Variants in DCP1B observed in about 807,000 individuals in gnomAD.
DCP1B encodes the protein decapping mRNA 1B, also known as mRNA-decapping enzyme 1B.
A neutral mutation model predicts 60.5 loss-of-function variants in DCP1B; 47 were observed. The observed-to-expected ratio is 0.78, with a 90% CI of 0.61 to 0.99. The LOEUF (loss-of-function observed/expected upper bound fraction) is 0.99, where lower values mean the gene tolerates loss of function less well. Ranked by LOEUF, DCP1B falls within the 50% of genes least tolerant of loss-of-function variation. The pLI is 0.00. For missense variants in DCP1B, 725 were observed against 756.8 expected, an observed-to-expected ratio of 0.96 and a Z score of 0.49; for synonymous variants, 267 against 280.3, an observed-to-expected ratio of 0.95 and a Z score of 0.47.
intron 2 of DCP1B, among the ~76,000 whole-genome samples, chr12:1,996,632 A>C (rs1039632782): frequency 1.6e-4 from 17 of 108,924 alleles, no homozygotes; most frequent in East Asian, 4.4e-4. Flanking sequence ...AAAAAAAAAA[A>C]AAAAAAAAAA....
intron 3 of DCP1B, chr12:1,993,011 T>C (rs1056739900): frequency 3.1e-6 from 2 of 643,450 alleles, no homozygotes; most frequent in Non-Finnish European, 2.7e-6. Flanking sequence ...GGGTTCACAC[T>C]ACAAATCCAT....
At chr12:1,974,931 GT>G (rs2033837914) in intron 3 of DCP1B, among the ~76,000 whole-genome samples, 1 of 152,090 alleles carries the variant, frequency 6.6e-6, no homozygotes, top group South Asian at 2.1e-4. Context: ...TCAAAAATTT[GT>G]TCCAATGAAG....
chr12:1,953,065 G>A lies in DCP1B; in HGVS notation c.875C>T (p.Pro292Leu). 3 of 1,614,108 alleles carry A rather than the reference G, an allele frequency of 1.9e-6. No individual in the cohort carries two copies. The South Asian group carries it at 3.3e-5, about 18-fold the overall frequency. ...CCTGACCATGAGTTTCTGAATGGCTGGACAGAGCTGCTTCTCAATGGGGGG... is the reference window on the plus strand; with the variant it reads ...CCTGACCATGAGTTTCTGAATGGCTAGACAGAGCTGCTTCTCAATGGGGGG... ...HSPPIEKQLCPAIQKLMVRSA... is the reference protein window; with the variant it reads ...HSPPIEKQLCLAIQKLMVRSA... The change falls in exon 7 of 9, where the codon CCA becomes CTA. Residue 292 changes from proline (P) to leucine (L), a missense_variant. Physicochemically the swap from Pro to Leu is moderately conservative, Grantham distance 98. Coordinates refer to ENST00000280665, the MANE Select transcript of DCP1B (RefSeq NM_152640.5).
Position 2,004,363 on chromosome 12 carries a change from G to A in DCP1B, c.69C>T (p.Arg23=), listed in dbSNP as rs770450095. Residue 23 remains arginine (R), a synonymous_variant, in exon 1 of 9, where the codon CGC becomes CGT. Transcript: ENST00000280665. The part of the protein sequence containing the change: ...GRDISLAALQ[R]HDPYINRIVD... ...CGATGCGGTTGATATAGGGGTCGTG[G>A]CGCTGCAGGGCCGCTAGGCTGATGT... The A allele has an allele frequency of 1.9e-6, 3 of 1,613,168 alleles. No homozygotes were observed. The highest frequency in any genetic ancestry group is 2.5e-6 in the Non-Finnish European group (3 of 1,179,922).
intron 1 of DCP1B, among the ~76,000 whole-genome samples, chr12:2,003,473 T>C (rs2042652386): frequency 6.6e-6 from 1 of 152,254 alleles, no homozygotes. Context: ...GAAACAAAAT[T>C]ACATGTCTCT....
At chr12:1,982,542 T>TATC (rs35129667) in intron 3 of DCP1B, among the ~76,000 whole-genome samples, 115,054 of 151,826 alleles carry the variant, frequency 0.76, 43,931 homozygotes, top group African/African-American at 0.87. Context: ...GTACTATATA[T>TATC]ATAATTTTAT....
At chr12:1,992,869 G>T in intron 3 of DCP1B, 1 of 445,142 alleles carries the variant, frequency 2.2e-6, no homozygotes, top group Non-Finnish European at 4.0e-6. Context: ...GGCCAAAAGT[G>T]ATACATAAAG....
At chr12:1,984,832 T>C (rs2037220169) in intron 3 of DCP1B, among the ~76,000 whole-genome samples, 1 of 148,706 alleles carries the variant, frequency 6.7e-6, no homozygotes, top group African/African-American at 2.5e-5. Flanking sequence ...TATCAGAGTA[T>C]ATGTCTTTAT....
In DCP1B at chr12:1,952,623, A is replaced by T; in HGVS notation, c.1317T>A (p.Ser439Arg). 1.2e-6 allele frequency: 2 copies of T among 1,614,112 alleles called. No homozygotes were observed. The highest frequency in any genetic ancestry group is 1.6e-4 in the Middle Eastern group (1 of 6,062). ...LPRQTLPISG[S>R]QTGSSGVISP... is the part of the protein sequence containing the mutation. ...AGATCACTCCAGAGCTGCCAGTCTG[A>T]CTACCAGAGATGGGGAGTGTTTGTC... Residue 439 changes from serine (S) to arginine (R), a missense_variant, in exon 7 of 9, where the codon AGT (serine) becomes AGA (arginine). Transcript: ENST00000280665.
chr12:2,000,229 T>C (rs952033660), intron 1 of DCP1B, among the ~76,000 whole-genome samples: 3 of 152,238 alleles, frequency 2.0e-5, no homozygotes, highest in Non-Finnish European at 4.4e-5. Context: ...ATCCATTACA[T>C]TGTTAGGAAA....
chr12:1,964,415 T>C lies in DCP1B; in HGVS notation c.522+1143A>G, dbSNP rs143498178. On this transcript the variant is annotated intron_variant, in intron 5 of 8. Coordinates refer to ENST00000280665, the MANE Select transcript of DCP1B (RefSeq NM_152640.5). ...TATCTTTCTATTTGCTTGTGTTGTA[T>C]TTAAACCTTGTAAAATGTTTTTTAT... 9.2e-3 allele frequency among the ~76,000 whole-genome samples: 1,406 copies of C among 152,302 alleles called. 19 individuals carry two copies. The highest frequency in any genetic ancestry group is 0.027 in the African/African-American group (1,123 of 41,578).
In DCP1B at chr12:1,996,729, C is replaced by T. The variant is rs11062052; in HGVS notation, c.191+1206G>A. 9.1e-3 allele frequency among the ~76,000 whole-genome samples: 1,342 copies of T among 147,278 alleles called. 17 individuals carry two copies. The highest frequency in any genetic ancestry group is 0.028 in the African/African-American group (1,138 of 40,138). ...CTACATTCAAAGCCATCTTGGGCCA[C>T]GTGTCCTATGGGCCGTGGGTTGGAC... On this transcript the variant is annotated intron_variant, in intron 2 of 8. Transcript: ENST00000280665.
intron 3 of DCP1B, among the ~76,000 whole-genome samples, chr12:1,975,386 A>T (rs2034008066): frequency 6.6e-6 from 1 of 152,132 alleles, no homozygotes; most frequent in Admixed American, 6.5e-5. Flanking sequence ...GAACTTGATT[A>T]TTTGAAACTA....
At position 1,996,648 on chromosome 12, in the gene DCP1B, AAAAAAAAC is replaced by A. The variant is rs1342626326; in HGVS notation, c.191+1279_191+1286del. ...AAAAAAAAAAAAAAAAAAAAAAAAA[AAAAAAAAC>A]AACAAACTCTTCTAATGTTTTAAAG... On this transcript the variant is annotated intron_variant, in intron 2 of 8. Transcript: ENST00000280665. Among the ~76,000 whole-genome samples, 79 of 49,594 alleles carry A rather than the reference AAAAAAAAC, an allele frequency of 1.6e-3. 5 individuals carry two copies. The highest frequency in any genetic ancestry group is 7.5e-3 in the African/African-American group (70 of 9,328). 32.5% of individuals were successfully genotyped at this position (49,594 alleles called of 152,430 possible).
chr12:1,990,342 A>T (rs537919834), intron 3 of DCP1B, among the ~76,000 whole-genome samples: 1 of 152,360 alleles, frequency 6.6e-6, no homozygotes, highest in East Asian at 1.9e-4. Context: ...AAGTTCATAC[A>T]GGTCAAACCC....
intron 2 of DCP1B, 59 bp downstream of exon 2, chr12:1,997,875 CA>C (rs1317774583): frequency 7.3e-7 from 1 of 1,367,454 alleles, no homozygotes; most frequent in Non-Finnish European, 1.0e-6. Context: ...AAGAGTGACA[CA>C]ACGGAGCTAA....
In DCP1B at chr12:1,953,176, T is replaced by TGCC. The variant is rs2154456641; in HGVS notation, c.763_764insGGC (p.Gln254_Gln255insArg). On this transcript the variant is annotated inframe_insertion, in exon 7 of 9. Coordinates refer to ENST00000280665, the MANE Select transcript of DCP1B (RefSeq NM_152640.5). ...CTTCTCTTGCTGCTGCTGCTGCTGCTGCTGCTGCTGGTGGAGAGTCTGCGG... is the reference window on the plus strand; with the variant it reads ...CTTCTCTTGCTGCTGCTGCTGCTGCTGCCGCTGCTGCTGGTGGAGAGTCTGCGG... 6.2e-7 allele frequency: 1 copy of TGCC among 1,612,710 alleles called. No individual in the cohort carries two copies. Among genetic ancestry groups the TGCC allele is most frequent in the East Asian group, 2.2e-5 (1 of 44,876 alleles).
Position 1,949,303 on chromosome 12 carries a change from G to C in DCP1B, c.1556C>G (p.Ala519Gly). 1 of 1,614,140 alleles carries C rather than the reference G, an allele frequency of 6.2e-7. No individual in the cohort carries two copies. Among genetic ancestry groups the C allele is most frequent in the South Asian group, 1.1e-5 (1 of 91,090 alleles). ...VISPQRIPAT[A>G]APSLLMSPMV... Reference sequence around the variant, plus strand: ...GGGGGACATAAGCAGAGACGGAGCTGCTGTAGCAGGGATGCGCTGAGGTGA... The same window carrying C: ...GGGGGACATAAGCAGAGACGGAGCTCCTGTAGCAGGGATGCGCTGAGGTGA... Residue 519 changes from alanine (A) to glycine (G), a missense_variant, in exon 8 of 9, where the codon GCA (alanine) becomes GGA (glycine). Ala to Gly is a moderately conservative substitution (Grantham distance 60). Transcript: ENST00000280665.
At chr12:1,950,436 C>A in intron 7 of DCP1B, 1 of 700,498 alleles carries the variant, frequency 1.4e-6, no homozygotes, top group Non-Finnish European at 2.6e-6. Context: ...TCATCGCATG[C>A]TTCTAATTCT....
Sources: allele counts gnomAD v4.1 joint callset (sites outside exome capture counted in the v4.1 genomes callset), GRCh38; gene constraint gnomAD v4.1.1; transcripts MANE v1.5; gene names NCBI Gene and HGNC (gene_info 2026-07-23, HGNC 2026-07-21).